Variants in CAPRIN1 observed in about 807,000 individuals in gnomAD.
CAPRIN1 encodes the protein caprin-1.
Under a neutral mutation model 100.9 loss-of-function variants are expected in CAPRIN1, and 29 were observed. That is an observed-to-expected ratio of 0.29 (90% CI 0.21 to 0.39). The LOEUF is 0.39. CAPRIN1 is among the 10% of genes least tolerant of loss of function. CAPRIN1 has a pLI of 1.00. For missense variants in CAPRIN1, 795 were observed against 876.7 expected, an observed-to-expected ratio of 0.91 and a Z score of 1.18; for synonymous variants, 338 against 307.5, an observed-to-expected ratio of 1.10 and a Z score of -1.04.
At chr11:34,062,691 G>T (rs1850606403) in intron 2 of CAPRIN1, among the ~76,000 whole-genome samples, 1 of 150,556 alleles carries the variant, frequency 6.6e-6, no homozygotes, top group Non-Finnish European at 1.5e-5. Context: ...GAAATATTTT[G>T]TTTTTGCAAA....
At chr11:34,064,790 T>G (rs555374121) in intron 2 of CAPRIN1, among the ~76,000 whole-genome samples, 2 of 152,198 alleles carry the variant, frequency 1.3e-5, no homozygotes, top group East Asian at 3.9e-4. Context: ...AACCCCTAAG[T>G]GTTCAGATCA....
chr11:34,060,055 G>A (rs1343105667), intron 2 of CAPRIN1, among the ~76,000 whole-genome samples: 2 of 151,340 alleles, frequency 1.3e-5, no homozygotes, highest in Admixed American at 1.3e-4. Flanking sequence ...AATTAGCTGG[G>A]CATGGTGGCA....
At chr11:34,091,415 TA>T (rs1851262655) in intron 14 of CAPRIN1, among the ~76,000 whole-genome samples, 1 of 152,068 alleles carries the variant, frequency 6.6e-6, no homozygotes, top group African/African-American at 2.4e-5. Context: ...GCCTTTGGAG[TA>T]GCTGACACTC....
rs888415198 is a variant in CAPRIN1 at position 34,101,875 on chromosome 11, T to G, written c.*2508T>G. On this transcript the variant is annotated 3_prime_UTR_variant, in exon 19 of 19. Coordinates refer to ENST00000341394, the MANE Select transcript of CAPRIN1 (RefSeq NM_005898.5). ...CACACATGTCACTGTAGCCTCTTGG[T>G]GTAGCAAGCTCACATACAAAATACT... Among the ~76,000 whole-genome samples the G allele has an allele frequency of 2.6e-5, 4 of 152,302 alleles. No individual in the cohort carries two copies. Among genetic ancestry groups the G allele is most frequent in the Non-Finnish European group, 4.4e-5 (3 of 68,008 alleles).
At chr11:34,061,382 A>G (rs750977058) in intron 2 of CAPRIN1, among the ~76,000 whole-genome samples, 9 of 151,510 alleles carry the variant, frequency 5.9e-5, no homozygotes, top group Non-Finnish European at 1.2e-4. Context: ...AATTTTCTGT[A>G]TTTTTAGTAG....
At position 34,058,357 on chromosome 11, in the gene CAPRIN1, A is replaced by G. The variant is rs1209419741; in HGVS notation, c.216+5721A>G. Among the ~76,000 whole-genome samples, 4 of 152,174 alleles carry G rather than the reference A, an allele frequency of 2.6e-5. No homozygotes were observed. In the East Asian group the frequency reaches 7.8e-4, roughly 30 times the overall value. On this transcript the variant is annotated intron_variant, in intron 2 of 18. Coordinates refer to ENST00000341394, the MANE Select transcript of CAPRIN1 (RefSeq NM_005898.5). ...TTGCCATGTTGACCAGGCTGGTCTCAAACTCCTGACCTCAAGTGATCTGCA... is the reference window on the plus strand; with the variant it reads ...TTGCCATGTTGACCAGGCTGGTCTCGAACTCCTGACCTCAAGTGATCTGCA...
chr11:34,052,256 C>CT (rs1224697248), intron 1 of CAPRIN1, 165 bp from the exon 2 acceptor site: 6 of 507,404 alleles, frequency 1.2e-5, no homozygotes, highest in African/African-American at 1.0e-4. Context: ...CGCGCGCGCC[C>CT]GCGCACTCTT....
chr11:34,095,510 G>A (rs1451689743), intron 15 of CAPRIN1, among the ~76,000 whole-genome samples: 2 of 152,148 alleles, frequency 1.3e-5, no homozygotes, highest in Non-Finnish European at 2.9e-5. Flanking sequence ...AACTATTAAT[G>A]TATTTGGAGT....
chr11:34,060,468 G>GAACAC (rs1850554858), intron 2 of CAPRIN1, among the ~76,000 whole-genome samples: 1 of 152,130 alleles, frequency 6.6e-6, no homozygotes, highest in Non-Finnish European at 1.5e-5. Flanking sequence ...GCCTCCCAAA[G>GAACAC]TGTTGGGATT....
chr11:34,075,401 G>T (rs907312956), intron 4 of CAPRIN1, among the ~76,000 whole-genome samples: 1 of 152,170 alleles, frequency 6.6e-6, no homozygotes, highest in African/African-American at 2.4e-5. Context: ...TAGATACACG[G>T]GAGAGGGAGA....
At chr11:34,058,576 T>A (rs1850505370) in intron 2 of CAPRIN1, among the ~76,000 whole-genome samples, 1 of 152,230 alleles carries the variant, frequency 6.6e-6, no homozygotes, top group African/African-American at 2.4e-5. Flanking sequence ...AAAAACTGAA[T>A]GCAAAAGAAA....
chr11:34,052,699 C>G, intron 2 of CAPRIN1, 63 bp downstream of exon 2: 1 of 1,506,328 alleles, frequency 6.6e-7, no homozygotes, highest in Non-Finnish European at 9.0e-7. Context: ...CCCTCCGACC[C>G]TGGTCGCTGG....
At position 34,099,557 on chromosome 11, in the gene CAPRIN1, T is replaced by C; in HGVS notation, c.*190T>C. 3 of 607,342 alleles carry C rather than the reference T, an allele frequency of 4.9e-6. No individual in the cohort carries two copies. The highest frequency in any genetic ancestry group is 5.9e-6 in the Non-Finnish European group (2 of 339,496). 37.6% of individuals were successfully genotyped at this position (607,342 alleles called of 1,614,324 possible). On this transcript the variant is annotated 3_prime_UTR_variant, in exon 19 of 19. Coordinates refer to ENST00000341394, the MANE Select transcript of CAPRIN1 (RefSeq NM_005898.5). ...TACCTGGATATGGAAGGAAACTATT[T>C]TTACTCTGCATGTTCTGTCCTAAGC...
intron 2 of CAPRIN1, among the ~76,000 whole-genome samples, chr11:34,068,371 A>G (rs183676522): frequency 6.6e-6 from 1 of 152,326 alleles, no homozygotes; most frequent in East Asian, 1.9e-4. Context: ...CTCAAGTACA[A>G]TGGCAGGGGA....
intron 8 of CAPRIN1, 26 bp downstream of exon 8, chr11:34,082,903 T>G (rs1851061596): frequency 6.2e-7 from 1 of 1,613,322 alleles, no homozygotes; most frequent in Non-Finnish European, 8.5e-7. Flanking sequence ...AATGCTGCCT[T>G]TACTTTGCTG....
At chr11:34,089,356 TAATTTTGTTTGACAA>T in intron 11 of CAPRIN1, 24 bp from the exon 12 acceptor site, 1 of 1,381,048 alleles carries the variant, frequency 7.2e-7, no homozygotes, top group Non-Finnish European at 1.0e-6. Context: ...TCTAAAAATT[TAATTTTGTTTGACAA>T]AAATGTTTTG....
At chr11:34,063,043 A>G (rs943466697) in intron 2 of CAPRIN1, 2 of 152,182 alleles carry the variant, frequency 1.3e-5, no homozygotes, top group Non-Finnish European at 1.5e-5. Context: ...GTTGGCTATA[A>G]CAATAAAGAA....
intron 15 of CAPRIN1, among the ~76,000 whole-genome samples, chr11:34,092,552 G>A (rs955488163): frequency 6.6e-6 from 1 of 152,038 alleles, no homozygotes; most frequent in Non-Finnish European, 1.5e-5. Context: ...TAAAGTTGGG[G>A]TTTCACCATG....
intron 7 of CAPRIN1, among the ~76,000 whole-genome samples, chr11:34,080,208 C>A (rs1172633393): frequency 1.3e-5 from 2 of 152,162 alleles, no homozygotes; most frequent in South Asian, 2.1e-4. Context: ...CAGGCGTGAG[C>A]CACTGCGCCC....
Sources: allele counts gnomAD v4.1 joint callset (sites outside exome capture counted in the v4.1 genomes callset), GRCh38; gene constraint gnomAD v4.1.1; transcripts MANE v1.5; gene names NCBI Gene and HGNC (gene_info 2026-07-23, HGNC 2026-07-21).